Variants in MSI2 observed in about 807,000 individuals in gnomAD.
MSI2 encodes the protein musashi RNA binding protein 2.
In MSI2, 17 loss-of-function variants were observed where a neutral mutation model predicts 45.6. The observed-to-expected ratio is 0.37, with a 90% CI of 0.26 to 0.56. MSI2 has a LOEUF of 0.56. MSI2 is among the 20% of genes least tolerant of loss of function. The pLI is 0.77. For synonymous variants in MSI2, 156 were observed against 158.2 expected, an observed-to-expected ratio of 0.99 and a Z score of 0.11; for missense variants, 293 against 444.2, an observed-to-expected ratio of 0.66 and a Z score of 3.06.
Position 57,652,616 on chromosome 17 carries a change from C to A in MSI2, c.790+455C>A, listed in dbSNP as rs1308483452. ...AGGTGGGCTTGCTGGTCTGGCTAAACCCCCAGAGCCCCTGAAAGCAGCCAT... is the reference window on the plus strand; with the variant it reads ...AGGTGGGCTTGCTGGTCTGGCTAAAACCCCAGAGCCCCTGAAAGCAGCCAT... On this transcript the variant is annotated intron_variant, in intron 11 of 13. Coordinates refer to ENST00000284073, the MANE Select transcript of MSI2 (RefSeq NM_138962.4). This position sits in a 1 kb window ranked among gnomAD's most constrained non-coding sequence, Gnocchi z 4.1. 6.6e-6 allele frequency among the ~76,000 whole-genome samples: 1 copy of A among 152,188 alleles called. No individual in the cohort carries two copies. Among genetic ancestry groups the A allele is most frequent in the East Asian group, 1.9e-4 (1 of 5,188 alleles).
Position 57,495,547 on chromosome 17 carries a change from A to AAAAG in MSI2, c.406-34126_406-34125insGAAA, listed in dbSNP as rs1555613506. Among the ~76,000 whole-genome samples the AAAAG allele has an allele frequency of 5.9e-3, 881 of 149,696 alleles. 30 individuals are homozygous for AAAAG. Among genetic ancestry groups the AAAAG allele is most frequent in the African/African-American group, 0.021 (830 of 40,090 alleles). ...GACTCTGTCTCAAAAAAAAAAAAAA[A>AAAAG]AAAAAGAAAGCTTTACTTGGCTTCT... On this transcript the variant is annotated intron_variant, in intron 6 of 13. Transcript: ENST00000284073.
chr17:57,542,587 G>A lies in MSI2; in HGVS notation c.454+12863G>A, dbSNP rs2087074197. Among the ~76,000 whole-genome samples, 3 of 152,340 alleles carry A rather than the reference G, an allele frequency of 2.0e-5. No individual in the cohort carries two copies. The South Asian group carries it at 6.2e-4, about 32-fold the overall frequency. On this transcript the variant is annotated intron_variant, in intron 7 of 13. Coordinates refer to ENST00000284073, the MANE Select transcript of MSI2 (RefSeq NM_138962.4). The stretch of plus-strand genomic sequence containing the variant: ...CTGAGTCCCACCCCAGACCAATTAA[G>A]TGAGACTGAAAGATGGAGCCCTGGC...
chr17:57,334,106 C>A (rs1333164471), intron 5 of MSI2, among the ~76,000 whole-genome samples: 1 of 152,188 alleles, frequency 6.6e-6, no homozygotes, highest in African/African-American at 2.4e-5. Flanking sequence ...TAGACATTTG[C>A]TGAACACACG....
intron 5 of MSI2, among the ~76,000 whole-genome samples, chr17:57,376,936 T>G (rs1315203627): frequency 6.7e-6 from 1 of 150,300 alleles, no homozygotes; most frequent in African/African-American, 2.4e-5. Context: ...TTTTTTTTTT[T>G]TTGAGACGGA....
chr17:57,262,031 G>A, intron 4 of MSI2, 120 bp from the exon 5 acceptor site: 1 of 1,054,064 alleles, frequency 9.5e-7, no homozygotes, highest in East Asian at 2.5e-5. Context: ...AGTTGCCTGA[G>A]AAGTTACTAA....
intron 6 of MSI2, among the ~76,000 whole-genome samples, chr17:57,471,037 G>A (rs1395693414): frequency 1.3e-5 from 2 of 152,122 alleles, no homozygotes; most frequent in Non-Finnish European, 2.9e-5. Context: ...GTTGCTTCTG[G>A]CCCATCTGAA....
At chr17:57,471,471 A>G (rs1045539648) in intron 6 of MSI2, among the ~76,000 whole-genome samples, 6 of 151,674 alleles carry the variant, frequency 4.0e-5, no homozygotes. Context: ...TTGTATTTTT[A>G]GTAGAGATGG....
intron 11 of MSI2, among the ~76,000 whole-genome samples, chr17:57,669,020 G>T (rs1212775520): frequency 6.6e-6 from 1 of 152,202 alleles, no homozygotes; most frequent in Non-Finnish European, 1.5e-5. Flanking sequence ...TTGAGCCAAG[G>T]ATTGCTGGGA....
chr17:57,399,361 T>C (rs1032025452), intron 5 of MSI2, among the ~76,000 whole-genome samples: 6 of 152,252 alleles, frequency 3.9e-5, no homozygotes, highest in African/African-American at 1.4e-4. Context: ...GTAGGTGGTA[T>C]ACTGAGTTGT....
chr17:57,587,950 C>A (rs1904463439), intron 7 of MSI2, among the ~76,000 whole-genome samples: 1 of 152,128 alleles, frequency 6.6e-6, no homozygotes, highest in Non-Finnish European at 1.5e-5. Flanking sequence ...TAGTTTACAG[C>A]AACCAGCTGC....
chr17:57,537,309 C>A (rs1393224442), intron 7 of MSI2, among the ~76,000 whole-genome samples: 1 of 152,132 alleles, frequency 6.6e-6, no homozygotes, highest in East Asian at 1.9e-4. Flanking sequence ...CTCTTCACTG[C>A]CTTGCAGGGC....
chr17:57,570,525 A>T lies in MSI2; in HGVS notation c.455-26343A>T, dbSNP rs185326763. On this transcript the variant is annotated intron_variant, in intron 7 of 13. Transcript: ENST00000284073. ...GGTCTCTTCCAGCAGGTAAAAATGG[A>T]CAGTGCTGGAGACCCAAGTCGAATC... Among the ~76,000 whole-genome samples the T allele has an allele frequency of 1.3e-3, 192 of 152,260 alleles. 1 individual carries two copies. Among genetic ancestry groups the T allele is most frequent in the African/African-American group, 4.4e-3 (182 of 41,558 alleles).
intron 6 of MSI2, among the ~76,000 whole-genome samples, chr17:57,482,753 C>T (rs1220006875): frequency 6.6e-6 from 1 of 152,130 alleles, no homozygotes; most frequent in East Asian, 1.9e-4. Context: ...GTTATGGGGA[C>T]CTCTGAAGGC....
chr17:57,374,412 C>T (rs1457682080), intron 5 of MSI2, among the ~76,000 whole-genome samples: 2 of 152,074 alleles, frequency 1.3e-5, no homozygotes, highest in Non-Finnish European at 2.9e-5. Flanking sequence ...ATATTTTTTT[C>T]CTGCCCTTTT....
intron 7 of MSI2, among the ~76,000 whole-genome samples, chr17:57,536,475 G>T (rs1164565505): frequency 6.6e-6 from 1 of 152,198 alleles, no homozygotes; most frequent in Non-Finnish European, 1.5e-5. Flanking sequence ...TGGCTCCCAC[G>T]CTGCCCTCGT....
intron 5 of MSI2, among the ~76,000 whole-genome samples, chr17:57,399,795 T>C (rs1444440607): frequency 2.0e-5 from 3 of 152,208 alleles, no homozygotes; most frequent in Non-Finnish European, 4.4e-5. Flanking sequence ...AGAAAACTCA[T>C]ACCTAGGAGG....
At chr17:57,580,521 G>T (rs932856576) in intron 7 of MSI2, among the ~76,000 whole-genome samples, 9 of 152,200 alleles carry the variant, frequency 5.9e-5, no homozygotes, top group African/African-American at 2.2e-4. Flanking sequence ...CTGGCTTCCA[G>T]TGCTGGTCTT....
At chr17:57,453,463 A>C (rs1391550549) in intron 6 of MSI2, among the ~76,000 whole-genome samples, 3 of 152,138 alleles carry the variant, frequency 2.0e-5, no homozygotes, top group African/African-American at 7.2e-5. Flanking sequence ...GTTGAGCCAT[A>C]TCCCTAGAAC....
intron 7 of MSI2, among the ~76,000 whole-genome samples, chr17:57,530,165 G>C (rs1427602369): frequency 6.6e-6 from 1 of 152,170 alleles, no homozygotes; most frequent in African/African-American, 2.4e-5. Context: ...AGGTTCGTTG[G>C]GTGTGTAGTG....
Sources: allele counts gnomAD v4.1 joint callset (sites outside exome capture counted in the v4.1 genomes callset), GRCh38; gene constraint gnomAD v4.1.1; non-coding constraint Gnocchi (gnomAD v3.1); transcripts MANE v1.5; gene names NCBI Gene and HGNC (gene_info 2026-07-23, HGNC 2026-07-21).